Variants in NUF2 observed in about 807,000 individuals in gnomAD.
The protein encoded by NUF2 is kinetochore protein Nuf2.
A neutral mutation model predicts 61.8 loss-of-function variants in NUF2; 34 were observed. The observed-to-expected ratio is 0.55, with a 90% CI of 0.42 to 0.73. The LOEUF is 0.73. Ranked by LOEUF, NUF2 falls within the 30% of genes least tolerant of loss-of-function variation. The pLI is 0.00. For synonymous variants in NUF2, 172 were observed against 181.6 expected (o/e 0.95, Z 0.42); for missense variants, 445 against 539.1 (o/e 0.83, Z 1.73).
At chr1:163,340,908 C>T (rs1650922064) in intron 9 of NUF2, among the ~76,000 whole-genome samples, 1 of 152,074 alleles carries the variant, frequency 6.6e-6, no homozygotes, top group Non-Finnish European at 1.5e-5. Flanking sequence ...TGCTATTAAA[C>T]AGAAATATAT....
chr1:163,337,531 A>G (rs899143522), intron 6 of NUF2, among the ~76,000 whole-genome samples: 3 of 152,066 alleles, frequency 2.0e-5, no homozygotes, highest in Non-Finnish European at 4.4e-5. Flanking sequence ...TAAACATCAT[A>G]TAATCTTCAA....
rs1557946285 is a variant in NUF2, at chr1:163,327,100, ACAC to A, written c.124-387_124-385del. ...GCAGCAAACAAGGTTTCCTGTGTTCACACACACACACACACACACACACACACA... is the reference window on the plus strand; with the variant it reads ...GCAGCAAACAAGGTTTCCTGTGTTCAACACACACACACACACACACACACA... On this transcript the variant is annotated intron_variant, in intron 2 of 13. Coordinates refer to ENST00000271452, the MANE Select transcript of NUF2 (RefSeq NM_145697.3). Among the ~76,000 whole-genome samples the A allele has an allele frequency of 9.0e-3, 1,308 of 145,250 alleles. 12 individuals carry two copies. Among genetic ancestry groups the A allele is most frequent in the South Asian group, 0.019 (88 of 4,742 alleles).
At chr1:163,345,519 G>A (rs1488152211) in intron 10 of NUF2, among the ~76,000 whole-genome samples, 159 bp from the exon 11 acceptor site, 1 of 152,146 alleles carries the variant, frequency 6.6e-6, no homozygotes, top group Non-Finnish European at 1.5e-5. Flanking sequence ...ACACATGTCA[G>A]TAATAGTGCT....
intron 10 of NUF2, among the ~76,000 whole-genome samples, chr1:163,345,411 A>T (rs569515587): frequency 6.6e-6 from 1 of 152,180 alleles, no homozygotes; most frequent in African/African-American, 2.4e-5. Flanking sequence ...TATCATCATT[A>T]TTAACTTTTG....
At position 163,325,905 on chromosome 1, in the gene NUF2, A is replaced by G. The variant is rs1230429392; in HGVS notation, c.-20-127A>G. The G allele has an allele frequency of 1.0e-5, 6 of 577,878 alleles. No individual in the cohort carries two copies. The East Asian group carries it at 1.4e-4, about 13-fold the overall frequency. 35.8% of individuals were successfully genotyped at this position (577,878 alleles called of 1,614,324 possible). The stretch of plus-strand genomic sequence containing the variant: ...ATACTTGTATTTATCTTACTAAGAT[A>G]TTTGATGATAGTTAACACTACTATG... On this transcript the variant is annotated intron_variant, in intron 1 of 13. Coordinates refer to ENST00000271452, the MANE Select transcript of NUF2 (RefSeq NM_145697.3).
chr1:163,337,915 AATTTTTT>A (rs1320324815), intron 6 of NUF2, 98 bp from the exon 7 acceptor site: 1 of 847,048 alleles, frequency 1.2e-6, no homozygotes, highest in African/African-American at 1.7e-5. Flanking sequence ...CTCTATCTTA[AATTTTTT>A]ATTTCTGATG....
chr1:163,327,210 CT>C (rs1162680960), intron 2 of NUF2, among the ~76,000 whole-genome samples: 93 of 151,780 alleles, frequency 6.1e-4, no homozygotes, highest in East Asian at 2.5e-3. Flanking sequence ...TCTTCTTCTT[CT>C]ATTTCCTAAG....
At chr1:163,347,313 A>G (rs1166682187) in intron 11 of NUF2, among the ~76,000 whole-genome samples, 1 of 152,222 alleles carries the variant, frequency 6.6e-6, no homozygotes, top group Non-Finnish European at 1.5e-5. Flanking sequence ...CTTTTTTGAG[A>G]TAAGTAGGGA....
At chr1:163,324,605 G>A (rs1230822614) in intron 1 of NUF2, among the ~76,000 whole-genome samples, 4 of 152,086 alleles carry the variant, frequency 2.6e-5, no homozygotes, top group African/African-American at 4.8e-5. Flanking sequence ...TTGGGTCTCC[G>A]AGATCATTTT....
At chr1:163,329,544 A>G (rs1650533130) in intron 5 of NUF2, among the ~76,000 whole-genome samples, 1 of 152,180 alleles carries the variant, frequency 6.6e-6, no homozygotes, top group Admixed American at 6.5e-5. Context: ...AAGCTTAGTC[A>G]TGACAGAAGG....
intron 13 of NUF2, among the ~76,000 whole-genome samples, chr1:163,353,568 G>A (rs34846851): frequency 0.42 from 63,240 of 152,002 alleles, 13,543 homozygotes; most frequent in South Asian, 0.59. Flanking sequence ...AGTGGTTGCT[G>A]TATTCGACAG....
intron 5 of NUF2, among the ~76,000 whole-genome samples, chr1:163,332,752 G>A (rs1032117509): frequency 1.3e-5 from 2 of 152,032 alleles, no homozygotes; most frequent in Non-Finnish European, 2.9e-5. Context: ...AGACACTTGT[G>A]ATTGCATTTA....
chr1:163,342,837 A>C (rs1009620096), intron 9 of NUF2, among the ~76,000 whole-genome samples: 6 of 152,014 alleles, frequency 3.9e-5, no homozygotes, highest in Non-Finnish European at 7.4e-5. Context: ...GCACATAATC[A>C]TGTGTCACTG....
At chr1:163,348,142 C>CT (rs1313746964) in intron 12 of NUF2, among the ~76,000 whole-genome samples, 4 of 152,128 alleles carry the variant, frequency 2.6e-5, no homozygotes, top group Non-Finnish European at 5.9e-5. Context: ...CTTAGCTACT[C>CT]TTTTCCTGGG....
chr1:163,323,241 T>C (rs1036083113), intron 1 of NUF2: 1 of 152,248 alleles, frequency 6.6e-6, no homozygotes, highest in African/African-American at 2.4e-5. Flanking sequence ...CTACGCTTTC[T>C]ATTGCAATAC....
intron 5 of NUF2, among the ~76,000 whole-genome samples, chr1:163,332,607 T>A (rs1162995797): frequency 6.6e-6 from 1 of 152,170 alleles, no homozygotes; most frequent in African/African-American, 2.4e-5. Context: ...CTTCTAGGGT[T>A]GCATTTCTCA....
intron 8 of NUF2, chr1:163,340,146 A>G: frequency 2.0e-6 from 1 of 488,398 alleles, no homozygotes; most frequent in East Asian, 3.5e-5. Context: ...CTACAATGTT[A>G]GGACATAAAT....
intron 7 of NUF2, among the ~76,000 whole-genome samples, chr1:163,338,551 T>TTA (rs752153671): frequency 1.3e-4 from 19 of 151,798 alleles, no homozygotes; most frequent in East Asian, 1.2e-3. Flanking sequence ...TTGGCCTTCC[T>TTA]TATATATATA....
chr1:163,335,185 C>T (rs1452173660), intron 5 of NUF2, among the ~76,000 whole-genome samples: 1 of 152,082 alleles, frequency 6.6e-6, no homozygotes, highest in Non-Finnish European at 1.5e-5. Flanking sequence ...ATCTCTTGAC[C>T]TTGTGATCCG....
Sources: gnomAD v4.1 joint callset for allele counts (sites outside exome capture counted in the v4.1 genomes callset) on GRCh38, gnomAD v4.1.1 for gene constraint, MANE v1.5 for transcripts, NCBI Gene and HGNC (gene_info 2026-07-23, HGNC 2026-07-21) for gene names.